PMFBP1: variants seen among roughly 807,000 people sequenced by gnomAD.
The protein encoded by PMFBP1 is polyamine-modulated factor 1-binding protein 1.
Under a neutral mutation model 137.8 loss-of-function variants are expected in PMFBP1, and 131 were observed. That is an observed-to-expected ratio of 0.95 (90% CI 0.82 to 1.10). PMFBP1 has a LOEUF of 1.10. Among genes scored for constraint, PMFBP1 ranks in the 50% least tolerant of loss-of-function variants. The probability of loss-of-function intolerance (pLI) is 0.00; values close to 1 mark genes in which losing one functional copy is unlikely to be tolerated. For synonymous variants in PMFBP1, 490 were observed against 450.4 expected (o/e 1.09, Z -1.11); for missense variants, 1,199 against 1,175.4 (o/e 1.02, Z -0.29).
chr16:72,135,361 T>TG (rs563423693), intron 9 of PMFBP1, among the ~76,000 whole-genome samples: 85,081 of 141,538 alleles, frequency 0.6, 25,996 homozygotes, highest in African/African-American at 0.75. Context: ...GTGTGTGTGT[T>TG]TTTTTTTTTT....
the PMFBP1 span, among the ~76,000 whole-genome samples, chr16:72,201,028 T>C: frequency 2.6e-5 from 4 of 152,182 alleles, no homozygotes; most frequent in African/African-American, 4.8e-5. Flanking sequence ...TGTTTCCCCA[T>C]TTATTGTTTC....
chr16:72,136,667 T>C, intron 8 of PMFBP1, 26 bp downstream of exon 8: 1 of 1,614,140 alleles, frequency 6.2e-7, no homozygotes, highest in African/African-American at 1.3e-5. Flanking sequence ...CTGGCTCCCC[T>C]GCCACAGCCT....
chr16:72,128,043 G>A (rs897031692), intron 14 of PMFBP1, among the ~76,000 whole-genome samples: 4 of 152,198 alleles, frequency 2.6e-5, no homozygotes, highest in African/African-American at 9.7e-5. Flanking sequence ...GGGAACAGGT[G>A]TTAGAGCTGG....
At chr16:72,143,973 G>A (rs185176036) in intron 5 of PMFBP1, among the ~76,000 whole-genome samples, 18 of 152,138 alleles carry the variant, frequency 1.2e-4, no homozygotes, top group Middle Eastern at 3.4e-3. Context: ...CCTGGGAGGC[G>A]GATGTTGCAG....
intron 9 of PMFBP1, among the ~76,000 whole-genome samples, chr16:72,133,224 G>A (rs1042549907): frequency 5.3e-5 from 8 of 151,994 alleles, no homozygotes; most frequent in East Asian, 3.9e-4. Flanking sequence ...TCTCTCTGTC[G>A]CCCAGGCTGG....
At chr16:72,178,644 C>T (rs1006981940), upstream of PMFBP1, among the ~76,000 whole-genome samples, 2 of 152,126 alleles carry the variant, frequency 1.3e-5, no homozygotes, top group Non-Finnish European at 2.9e-5. Flanking sequence ...TATTTTGTTG[C>T]TCAAATGTTC....
At chr16:72,117,913 C>A (rs1439712489), downstream of PMFBP1, among the ~76,000 whole-genome samples, 1 of 152,184 alleles carries the variant, frequency 6.6e-6, no homozygotes, top group Non-Finnish European at 1.5e-5. Flanking sequence ...TTCTGCCTAG[C>A]TGGGCTGTCA....
At chr16:72,215,402 A>G in the PMFBP1 span, among the ~76,000 whole-genome samples, 3 of 151,816 alleles carry the variant, frequency 2.0e-5, 1 homozygote, top group South Asian at 6.3e-4. Flanking sequence ...TTACAAAAGA[A>G]TAGCCATTAG....
rs373113530 is a variant in PMFBP1 at position 72,128,141 on chromosome 16, C to G, written c.2088+516G>C. 5.3e-5 allele frequency among the ~76,000 whole-genome samples: 8 copies of G among 152,252 alleles called. No individual in the cohort carries two copies. The South Asian group carries it at 1.2e-3, about 24-fold the overall frequency. On this transcript the variant is annotated intron_variant, in intron 14 of 20. Transcript: ENST00000237353. ...TCTTTCTTTCCTCTATCATGTCTTT[C>G]TTTTTGGCAGTAAAGCAGATGGAAG...
At chr16:72,169,925 T>C (rs1597495024) in intron 2 of PMFBP1, among the ~76,000 whole-genome samples, 1 of 152,114 alleles carries the variant, frequency 6.6e-6, no homozygotes, top group Non-Finnish European at 1.5e-5. Flanking sequence ...AAAAACAAAA[T>C]TGGCACACCC....
the PMFBP1 span, among the ~76,000 whole-genome samples, chr16:72,200,930 T>C: frequency 2.6e-5 from 4 of 152,212 alleles, no homozygotes; most frequent in Admixed American, 2.6e-4. Context: ...TGTATGCTGC[T>C]GGTGACATCC....
chr16:72,142,190 T>C (rs916733589), intron 5 of PMFBP1, among the ~76,000 whole-genome samples: 1 of 151,980 alleles, frequency 6.6e-6, no homozygotes, highest in Non-Finnish European at 1.5e-5. Context: ...TGACTGTAAA[T>C]AATGTTCATG....
In PMFBP1 at chr16:72,125,871, C is replaced by T. The variant is rs1473721069; in HGVS notation, c.2253+97G>A. 36 of 1,437,116 alleles carry T rather than the reference C, an allele frequency of 2.5e-5. No homozygotes were observed. The Admixed American group carries it at 7.2e-4, about 29-fold the overall frequency. The allele number at this position is 1,437,116 out of a possible 1,614,324, so 89.0% of individuals were successfully genotyped here. On this transcript the variant is annotated intron_variant, in intron 15 of 20. Transcript: ENST00000237353. ...CAAGGGTTTGAGATGGCCCCATTGA[C>T]AGTCAATAGGCAGGAAATTGGCTCC...
rs117953773 is a variant in PMFBP1 at position 72,150,732 on chromosome 16, A to G, written c.512T>C (p.Ile171Thr). The change falls in exon 5 of 21, where the codon ATC (isoleucine) becomes ACC (threonine). Residue 171 changes from isoleucine (I) to threonine (T), a missense_variant. Transcript: ENST00000237353. ...QEQLALAGDKIASLERSLNLY... is the reference protein window; with the variant it reads ...QEQLALAGDKTASLERSLNLY... ...GTTTAAGCTCCTCTCTAGAGAGGCG[A>G]TCTTGTCCCCGGCCAAGGCGAGTTG... The G allele has an allele frequency of 6.2e-7, 1 of 1,614,150 alleles. No individual in the cohort carries two copies. Among genetic ancestry groups the G allele is most frequent in the Non-Finnish European group, 8.5e-7 (1 of 1,180,006 alleles).
At chr16:72,228,094 G>A in the PMFBP1 span, among the ~76,000 whole-genome samples, 7 of 152,138 alleles carry the variant, frequency 4.6e-5, no homozygotes. Flanking sequence ...AGAAGTGGAA[G>A]CCTTTTGTTA....
chr16:72,246,670 T>C, the PMFBP1 span, among the ~76,000 whole-genome samples: 6 of 152,094 alleles, frequency 3.9e-5, no homozygotes, highest in Non-Finnish European at 8.8e-5. Context: ...TTTCCTGTAG[T>C]ACACATGGTT....
chr16:72,153,971 C>T (rs2042943233), intron 4 of PMFBP1, among the ~76,000 whole-genome samples: 1 of 150,706 alleles, frequency 6.6e-6, no homozygotes, highest in South Asian at 2.1e-4. Flanking sequence ...CATGCCTGCA[C>T]ACACACTCCA....
chr16:72,211,263 T>C, the PMFBP1 span, among the ~76,000 whole-genome samples: 36 of 152,300 alleles, frequency 2.4e-4, no homozygotes, highest in African/African-American at 8.4e-4. Context: ...ACCAGAACAG[T>C]TGGCCTTCCT....
At position 72,125,284 on chromosome 16, in the gene PMFBP1, G is replaced by A. The variant is rs190053414; in HGVS notation, c.2375C>T (p.Thr792Met). 104 of 1,614,080 alleles carry A rather than the reference G, an allele frequency of 6.4e-5. No homozygotes were observed. Among genetic ancestry groups the A allele is most frequent in the East Asian group, 6.0e-4 (27 of 44,880 alleles). ...AYEERMKKLN[T>M]ELRKLRGFHQ... ...GAAGCCCCGCAGTTTTCTTAATTCCGTATTGAGCTTTTTCATCCTTTCCTC... is the reference window on the plus strand; with the variant it reads ...GAAGCCCCGCAGTTTTCTTAATTCCATATTGAGCTTTTTCATCCTTTCCTC... The change falls in exon 16 of 21, where the codon ACG becomes ATG. Residue 792 changes from threonine to methionine, a missense_variant. Thr to Met is a moderately conservative substitution (Grantham distance 81, BLOSUM62 -1). Transcript: ENST00000237353.
Sources: allele counts gnomAD v4.1 joint callset (sites outside exome capture counted in the v4.1 genomes callset), GRCh38; gene constraint gnomAD v4.1.1; transcripts MANE v1.5; gene names NCBI Gene and HGNC (gene_info 2026-07-23, HGNC 2026-07-21).